Variants in NKIRAS1 observed in about 807,000 individuals in gnomAD.
NKIRAS1 encodes the protein NFKB inhibitor interacting Ras like 1.
NKIRAS1 carries 16 observed loss-of-function variants against 19.8 expected under a neutral mutation model. The observed-to-expected ratio is 0.81, with a 90% CI of 0.55 to 1.23. The LOEUF is 1.23. NKIRAS1 is among the 50% of genes most tolerant of loss of function. NKIRAS1 has a pLI of 0.00. For missense variants in NKIRAS1, 184 were observed against 220.0 expected (o/e 0.84, Z 1.04); for synonymous variants, 88 against 79.0 (o/e 1.11, Z -0.61).
At position 23,926,046 on chromosome 3, in the gene NKIRAS1, T is replaced by TTTTA. The variant is rs1705206183; in HGVS notation, c.-139-14600_-139-14597dup. On this transcript the variant is annotated intron_variant, in intron 1 of 4. Coordinates refer to the NKIRAS1 transcript ENST00000421515. This position sits in a 1 kb window ranked among gnomAD's most constrained non-coding sequence, Gnocchi z 4.3. ...ATAGTGCCAATTTATTTATTTTTAT[T>TTTTA]TTTATTTATTTATTTATTTTTTGAG... Among the ~76,000 whole-genome samples, 1 of 152,038 alleles carries TTTTA rather than the reference T, an allele frequency of 6.6e-6. No individual in the cohort carries two copies. Among genetic ancestry groups the TTTTA allele is most frequent in the South Asian group, 2.1e-4 (1 of 4,818 alleles).
rs1262196734 is a variant in NKIRAS1, at chr3:23,892,359, A to G, written c.*736T>C. 1 of 152,206 alleles carries G rather than the reference A, an allele frequency of 6.6e-6. No homozygotes were observed. Among genetic ancestry groups the G allele is most frequent in the Non-Finnish European group, 1.5e-5 (1 of 68,032 alleles). 9.4% of individuals were successfully genotyped at this position (152,206 alleles called of 1,614,324 possible). On this transcript the variant is annotated 3_prime_UTR_variant, in exon 5 of 5. Transcript: ENST00000425478. ...CCAGAAGATACAGTCTTCCTTCCAG[A>G]AAATACAGCTTTACTGTCCTTAAGT...
chr3:23,920,846 A>T, upstream of NKIRAS1: 1 of 884,102 alleles, frequency 1.1e-6, no homozygotes, highest in Non-Finnish European at 1.4e-6. Flanking sequence ...AACTAAAACA[A>T]ATGGACCTTC....
chr3:23,893,394 G>A, intron 4 of NKIRAS1, 57 bp from the exon 5 acceptor site: 6 of 1,491,416 alleles, frequency 4.0e-6, no homozygotes, highest in Admixed American at 2.1e-5. Context: ...TCAGTTCCTG[G>A]GCAAAATGGA....
chr3:23,918,973 G>C (rs111878423), upstream of NKIRAS1: 329 of 586,916 alleles, frequency 5.6e-4, no homozygotes, highest in Middle Eastern at 3.4e-3. Flanking sequence ...CAGGAATGGA[G>C]TATTAAGAGG....
intron 1 of NKIRAS1, chr3:23,946,059 CCG>C (rs988825745): frequency 3.1e-6 from 3 of 973,998 alleles, no homozygotes; most frequent in Admixed American, 1.2e-4. Flanking sequence ...GCTGGGAGCG[CCG>C]CAGCCTCCCG....
chr3:23,893,370 G>A, intron 4 of NKIRAS1, 33 bp from the exon 5 acceptor site: 1 of 1,579,552 alleles, frequency 6.3e-7, no homozygotes. Flanking sequence ...GATCATACTA[G>A]TACTTTGCCA....
chr3:23,908,803 A>G (rs1470195746), intron 3 of NKIRAS1, among the ~76,000 whole-genome samples: 3 of 151,842 alleles, frequency 2.0e-5, no homozygotes, highest in Non-Finnish European at 4.4e-5. Context: ...AACTGGAACC[A>G]CAGGCACATG....
intron 1 of NKIRAS1, among the ~76,000 whole-genome samples, chr3:23,914,888 G>A (rs1407051194): frequency 1.3e-5 from 2 of 152,096 alleles, no homozygotes; most frequent in Non-Finnish European, 2.9e-5. Flanking sequence ...GCAGGACTAC[G>A]CCCATAGGCA....
chr3:23,943,259 TTTTG>T (rs1705541859), intron 1 of NKIRAS1, among the ~76,000 whole-genome samples: 1 of 152,078 alleles, frequency 6.6e-6, no homozygotes, highest in African/African-American at 2.4e-5. Context: ...TGAGACAGAG[TTTTG>T]CTCTTTTTGC....
Position 23,890,421 on chromosome 3 carries a change from G to A in NKIRAS1, c.*2674C>T, listed in dbSNP as rs926301698. 39 of 1,244,758 alleles carry A rather than the reference G, an allele frequency of 3.1e-5. No individual in the cohort carries two copies. Among genetic ancestry groups the A allele is most frequent in the African/African-American group, 3.0e-4 (20 of 66,706 alleles). 77.1% of individuals were successfully genotyped at this position (1,244,758 alleles called of 1,614,324 possible). ...TGGGTTTGATCACACATACTTTGTC[G>A]TACGTATCTACCCAAGCTGTCACTA... On this transcript the variant is annotated 3_prime_UTR_variant, in exon 5 of 5. Transcript: ENST00000425478.
At chr3:23,918,073 C>T (rs1704768065), upstream of NKIRAS1, 1 of 1,579,944 alleles carries the variant, frequency 6.3e-7, no homozygotes, top group Non-Finnish European at 8.6e-7. Flanking sequence ...AAATTATATT[C>T]GAGAAAAGTT....
chr3:23,897,598 C>T (rs1000011300), intron 4 of NKIRAS1, among the ~76,000 whole-genome samples: 5 of 152,178 alleles, frequency 3.3e-5, no homozygotes, highest in African/African-American at 9.7e-5. Flanking sequence ...GCTTCACTGC[C>T]GATTCCTGAA....
chr3:23,938,685 TC>T (rs1185302995), intron 1 of NKIRAS1, among the ~76,000 whole-genome samples: 1 of 152,236 alleles, frequency 6.6e-6, no homozygotes, highest in East Asian at 1.9e-4. Flanking sequence ...AAGGTCCATG[TC>T]CCCTACCCTT....
At chr3:23,938,943 A>G (rs1705444305) in intron 1 of NKIRAS1, among the ~76,000 whole-genome samples, 1 of 152,182 alleles carries the variant, frequency 6.6e-6, no homozygotes, top group Admixed American at 6.5e-5. Flanking sequence ...TAAAGAGGGA[A>G]GTGCCCAGCT....
At chr3:23,907,141 G>T (rs1386438508) in intron 3 of NKIRAS1, among the ~76,000 whole-genome samples, 3 of 152,190 alleles carry the variant, frequency 2.0e-5, no homozygotes, top group African/African-American at 7.2e-5. Flanking sequence ...TGATCCGCCT[G>T]CCTCGGCCTC....
chr3:23,900,641 CAAAAAAA>C (rs57762803), intron 4 of NKIRAS1, among the ~76,000 whole-genome samples, 160 bp downstream of exon 4: 1 of 114,170 alleles, frequency 8.8e-6, no homozygotes, highest in Admixed American at 9.4e-5. Context: ...GACTCCGTCT[CAAAAAAA>C]AAAAAAAAAG....
At chr3:23,931,233 C>A (rs1293983595) in intron 1 of NKIRAS1, among the ~76,000 whole-genome samples, 1 of 152,168 alleles carries the variant, frequency 6.6e-6, no homozygotes, top group African/African-American at 2.4e-5. Flanking sequence ...ACCAACGTTC[C>A]CTTCAATCAC....
At chr3:23,921,574 T>G (rs775876533), upstream of NKIRAS1, 112,919 of 508,780 alleles carry the variant, frequency 0.22, 7,587 homozygotes, top group African/African-American at 0.35. Context: ...TATTGAGTTT[T>G]TTTTTTTTTT....
intron 3 of NKIRAS1, among the ~76,000 whole-genome samples, chr3:23,907,487 G>A (rs1189752558): frequency 6.6e-6 from 1 of 152,178 alleles, no homozygotes; most frequent in East Asian, 1.9e-4. Context: ...CAGATCTCAT[G>A]AGGTCTCCTT....
Sources: gnomAD v4.1 joint callset for allele counts (sites outside exome capture counted in the v4.1 genomes callset) on GRCh38, gnomAD v4.1.1 for gene constraint, Gnocchi (gnomAD v3.1) non-coding constraint, MANE v1.5 for transcripts, NCBI Gene and HGNC (gene_info 2026-07-23, HGNC 2026-07-21) for gene names.